Variants in PBX2 observed in about 807,000 individuals in gnomAD.
PBX2 encodes the protein PBX homeobox 2, also known as pre-B-cell leukemia transcription factor 2.
In PBX2, 10 loss-of-function variants were observed where a neutral mutation model predicts 46.5. The observed-to-expected ratio is 0.21, with a 90% confidence interval of 0.13 to 0.36. The LOEUF (loss-of-function observed/expected upper bound fraction) is 0.36, where lower values mean the gene tolerates loss of function less well. Among genes scored for constraint, PBX2 ranks in the 10% least tolerant of loss-of-function variants. The pLI, the probability that PBX2 is intolerant of heterozygous loss-of-function variation, is 1.00. For missense variants in PBX2, 392 were observed against 580.5 expected, an observed-to-expected ratio of 0.68 and a Z score of 3.34; for synonymous variants, 160 against 222.5, an observed-to-expected ratio of 0.72 and a Z score of 2.50.
Position 32,188,241 on chromosome 6 carries a change from A to G in PBX2, c.543+16T>C. 1 of 1,611,096 alleles carries G rather than the reference A, an allele frequency of 6.2e-7. No homozygotes were observed. Among genetic ancestry groups the G allele is most frequent in the South Asian group, 1.1e-5 (1 of 91,016 alleles). On this transcript the variant is annotated intron_variant, in intron 3 of 8. Transcript: ENST00000375050. This position sits in a 1 kb window ranked among gnomAD's most constrained non-coding sequence, Gnocchi z 6.5. Reference sequence around the variant, plus strand: ...AAGAGCCCTTCCCTCCACCCACCCAAGCCTCCTCTCCTTACCTGCTCATAC... The same window carrying G: ...AAGAGCCCTTCCCTCCACCCACCCAGGCCTCCTCTCCTTACCTGCTCATAC...
Position 32,188,442 on chromosome 6 carries a change from T to G in PBX2, c.358A>C (p.Asn120His). 6.2e-7 allele frequency: 1 copy of G among 1,614,118 alleles called. No homozygotes were observed. The highest frequency in any genetic ancestry group is 8.5e-7 in the Non-Finnish European group (1 of 1,180,008). The change falls in exon 3 of 9, where the codon AAC (asparagine) becomes CAC (histidine). Residue 120 changes from asparagine (N) to histidine (H), a missense_variant. By Grantham distance (68) the Asn-to-His change is moderately conservative. Coordinates refer to ENST00000375050, the MANE Select transcript of PBX2 (RefSeq NM_002586.5). This position sits in a 1 kb window ranked among gnomAD's most constrained non-coding sequence, Gnocchi z 6.5. ...GCCACACCCTCTGCCAGAAGCATGTTGTCCAAGCGCATCAGCTGTGGGTCC... is the reference window on the plus strand; with the variant it reads ...GCCACACCCTCTGCCAGAAGCATGTGGTCCAAGCGCATCAGCTGTGGGTCC... ...PVDPQLMRLD[N>H]MLLAEGVAGP...
rs1412719867 is a variant in PBX2 at position 32,188,495 on chromosome 6, A to ATGCTGAGGCCTAGCAT, written c.296-7_304dup (p.Ile102AsnfsTer57). ...CGGCTCCTCCTCCTGGGAGCTCCGA[A>ATGCTGAGGCCTAGCAT]TGCTGAGGCCTAGCATGCAGGCGAG... is the stretch of plus-strand genomic sequence containing the variant. On this transcript the variant is annotated frameshift_variant, in exon 3 of 9. Coordinates refer to ENST00000375050, the MANE Select transcript of PBX2 (RefSeq NM_002586.5). LOFTEE classifies it high-confidence loss of function. The surrounding 1 kb of genome is among the most constrained non-coding windows in gnomAD (Gnocchi z 6.5). 1 of 1,613,640 alleles carries ATGCTGAGGCCTAGCAT rather than the reference A, an allele frequency of 6.2e-7. No homozygotes were observed. The highest frequency in any genetic ancestry group is 1.3e-5 in the African/African-American group (1 of 74,860).
Position 32,187,800 on chromosome 6 carries a change from G to C in PBX2, c.735-18C>G. The C allele has an allele frequency of 6.2e-7, 1 of 1,611,468 alleles. No individual in the cohort carries two copies. The highest frequency in any genetic ancestry group is 1.3e-5 in the African/African-American group (1 of 75,036). ...GCTTTCGTCTACAGAGGAGGGAGAA[G>C]AGCAGTGAGGAGGATGTTGATGTCC... is the stretch of plus-strand genomic sequence containing the variant. On this transcript the variant is annotated intron_variant, in intron 4 of 8. Transcript: ENST00000375050. The surrounding 1 kb of genome is among the most constrained non-coding windows in gnomAD (Gnocchi z 7.7).
chr6:32,188,051 G>A lies in PBX2; in HGVS notation c.649C>T (p.Arg217Ter), dbSNP rs1787221539. The change falls in exon 4 of 9, where the codon CGA becomes TGA. Residue 217 changes from arginine to a stop codon, truncating the protein, a stop_gained. Coordinates refer to ENST00000375050, the MANE Select transcript of PBX2 (RefSeq NM_002586.5). LOFTEE classifies it high-confidence loss of function. The surrounding 1 kb of genome is among the most constrained non-coding windows in gnomAD (Gnocchi z 6.5). ...TGCATCTGGATGGCGCTGAACTTTC[G>A]ATGGATGATGCTCACCATGCGTTCC... ...EMERMVSIIH[R>*]KFSAIQMQLK... 6.3e-7 allele frequency: 1 copy of A among 1,595,610 alleles called. No homozygotes were observed. Among genetic ancestry groups the A allele is most frequent in the Non-Finnish European group, 8.5e-7 (1 of 1,169,898 alleles).
chr6:32,186,315 T>G lies in PBX2; in HGVS notation c.*67A>C. Reference sequence around the variant, plus strand: ...TTCTCCTGTATTGGGGTTTGTCCTCTGGAAGCCTGCGTCCTCTTCAAGTCG... The same window carrying G: ...TTCTCCTGTATTGGGGTTTGTCCTCGGGAAGCCTGCGTCCTCTTCAAGTCG... On this transcript the variant is annotated 3_prime_UTR_variant, in exon 9 of 9. Coordinates refer to ENST00000375050, the MANE Select transcript of PBX2 (RefSeq NM_002586.5). The surrounding 1 kb of genome is among the most constrained non-coding windows in gnomAD (Gnocchi z 4.2). The G allele has an allele frequency of 6.1e-6, 7 of 1,138,576 alleles. No individual in the cohort carries two copies. Among genetic ancestry groups the G allele is most frequent in the Non-Finnish European group, 9.2e-6 (7 of 761,570 alleles). The allele number at this position is 1,138,576 out of a possible 1,614,324, so 70.5% of individuals were successfully genotyped here. A position where few individuals can be genotyped will look rare whatever the true frequency, so the allele number is the denominator to read the frequency against.
chr6:32,186,837 G>C lies in PBX2; in HGVS notation c.1089C>G (p.Asn363Lys), dbSNP rs147090639. Residue 363 changes from asparagine to lysine, a missense_variant, in exon 7 of 9, where the codon AAC becomes AAG. By Grantham distance (94) the Asn-to-Lys change is moderately conservative (BLOSUM62 0). Coordinates refer to ENST00000375050, the MANE Select transcript of PBX2 (RefSeq NM_002586.5). The surrounding 1 kb of genome is among the most constrained non-coding windows in gnomAD (Gnocchi z 4.2). The stretch of plus-strand genomic sequence containing the variant: ...CCTGGGAAGCAGAATAGGAATCTCC[G>C]TTGAGCCCAGGCATCCCCAGAAACA... ...GDMFLGMPGL[N>K]GDSYSASQVE... is the part of the protein sequence containing the mutation. 83 of 1,614,122 alleles carry C rather than the reference G, an allele frequency of 5.1e-5. No individual in the cohort carries two copies. Among genetic ancestry groups the C allele is most frequent in the Non-Finnish European group, 6.9e-5 (82 of 1,180,006 alleles).
In PBX2 at chr6:32,188,786, G is replaced by C. The variant is rs1787264605; in HGVS notation, c.232C>G (p.Leu78Val). The change falls in exon 2 of 9, where the codon CTA (leucine) becomes GTA (valine). Residue 78 changes from leucine to valine, a missense_variant. By Grantham distance (32) the Leu-to-Val change is conservative (BLOSUM62 1). This residue lies in a region of PBX2 where 196 missense variants were observed against 246.9 expected (regional missense o/e 0.79). Transcript: ENST00000375050. This position sits in a 1 kb window ranked among gnomAD's most constrained non-coding sequence, Gnocchi z 6.5. ...GCAGGCTTCATTCGGTGGCAGTTTA[G>C]GGCGTGTTTCCTTGGGAGGAGTGGG... is the stretch of plus-strand genomic sequence containing the variant. ...LDEAQAKKHA[L>V]NCHRMKPALF... 2 of 1,612,878 alleles carry C rather than the reference G, an allele frequency of 1.2e-6. No individual in the cohort carries two copies. The highest frequency in any genetic ancestry group is 1.7e-6 in the Non-Finnish European group (2 of 1,180,024).
Position 32,187,178 on chromosome 6 carries a change from T to TAGGAAGTGGGAACAAAAGC in PBX2, c.1024+45_1024+63dup. 6.3e-7 allele frequency: 1 copy of TAGGAAGTGGGAACAAAAGC among 1,595,904 alleles called. No individual in the cohort carries two copies. Among genetic ancestry groups the TAGGAAGTGGGAACAAAAGC allele is most frequent in the Non-Finnish European group, 8.6e-7 (1 of 1,166,898 alleles). On this transcript the variant is annotated intron_variant, in intron 6 of 8. Coordinates refer to ENST00000375050, the MANE Select transcript of PBX2 (RefSeq NM_002586.5). The surrounding 1 kb of genome is among the most constrained non-coding windows in gnomAD (Gnocchi z 7.7). ...CCTCTCTGCTATGATCCTGCCTAGATAGGAAGTGGGAACAAAAGCAGGAAG... is the reference window on the plus strand; with the variant it reads ...CCTCTCTGCTATGATCCTGCCTAGATAGGAAGTGGGAACAAAAGCAGGAAGTGGGAACAAAAGCAGGAAG...
In PBX2 at chr6:32,189,847, C is replaced by T. The variant is rs1787336315; in HGVS notation, c.69G>A (p.Gly23=). The change falls in exon 1 of 9, where the codon GGG becomes GGA. Residue 23 remains glycine (G), a synonymous_variant. Transcript: ENST00000375050. This position sits in a 1 kb window ranked among gnomAD's most constrained non-coding sequence, Gnocchi z 4.7. ...GAGGCTCGCCAGGGCCCCCAGGCTC[C>T]CCACTCACCAATCCCAGGCCCCCCC... ...GGRGGLGLVS[G]EPGGPGEPPG... is the part of the protein sequence containing the mutation. 1.3e-6 allele frequency: 2 copies of T among 1,570,170 alleles called. No homozygotes were observed. Among genetic ancestry groups the T allele is most frequent in the South Asian group, 1.1e-5 (1 of 86,976 alleles).
chr6:32,188,229 T>C lies in PBX2; in HGVS notation c.543+28A>G. 2 of 1,609,278 alleles carry C rather than the reference T, an allele frequency of 1.2e-6. No individual in the cohort carries two copies. Among genetic ancestry groups the C allele is most frequent in the Non-Finnish European group, 1.7e-6 (2 of 1,176,518 alleles). ...GGATTCCCCTGCAAGAGCCCTTCCCTCCACCCACCCAAGCCTCCTCTCCTT... is the reference window on the plus strand; with the variant it reads ...GGATTCCCCTGCAAGAGCCCTTCCCCCCACCCACCCAAGCCTCCTCTCCTT... On this transcript the variant is annotated intron_variant, in intron 3 of 8. Transcript: ENST00000375050. This position sits in a 1 kb window ranked among gnomAD's most constrained non-coding sequence, Gnocchi z 6.5.
Position 32,187,935 on chromosome 6 carries a change from C to T in PBX2, c.734+31G>A. ...GAGAGGAATGGGAAGGAGCCCAGTG[C>T]TGGGGGCCAGCCTGGGGTCCCTGGG... On this transcript the variant is annotated intron_variant, in intron 4 of 8. Coordinates refer to ENST00000375050, the MANE Select transcript of PBX2 (RefSeq NM_002586.5). The surrounding 1 kb of genome is among the most constrained non-coding windows in gnomAD (Gnocchi z 7.7). The T allele has an allele frequency of 6.6e-7, 1 of 1,524,502 alleles. No homozygotes were observed. Among genetic ancestry groups the T allele is most frequent in the Non-Finnish European group, 8.8e-7 (1 of 1,131,428 alleles). The allele number at this position is 1,524,502 out of a possible 1,614,324, so 94.4% of individuals were successfully genotyped here.
At position 32,187,220 on chromosome 6, in the gene PBX2, C is replaced by T; in HGVS notation, c.1024+22G>A. On this transcript the variant is annotated intron_variant, in intron 6 of 8. Transcript: ENST00000375050. This position sits in a 1 kb window ranked among gnomAD's most constrained non-coding sequence, Gnocchi z 7.7. ...AGCAGGAAGTGTGCAAAACAGTCAG[C>T]CGGGGTGACAGTGGGATCCACCTGC... 2 of 1,612,062 alleles carry T rather than the reference C, an allele frequency of 1.2e-6. No individual in the cohort carries two copies. The highest frequency in any genetic ancestry group is 1.7e-6 in the Non-Finnish European group (2 of 1,179,880).
In PBX2 at chr6:32,186,142, C is replaced by T. The variant is rs576092069; in HGVS notation, c.*240G>A. ...GTATGTTTCTGTGTAAGAAAGAAAG[C>T]GAGAGAGGAAAAAGATGGAAAAAAG... On this transcript the variant is annotated 3_prime_UTR_variant, in exon 9 of 9. Transcript: ENST00000375050. This position sits in a 1 kb window ranked among gnomAD's most constrained non-coding sequence, Gnocchi z 4.2. 2.1e-5 allele frequency: 12 copies of T among 564,906 alleles called. No homozygotes were observed. Among genetic ancestry groups the T allele is most frequent in the South Asian group, 4.8e-5 (2 of 41,510 alleles). 35.0% of individuals were successfully genotyped at this position (564,906 alleles called of 1,614,324 possible).
In PBX2 at chr6:32,188,700, C is replaced by A; in HGVS notation, c.295+23G>T. The A allele has an allele frequency of 6.2e-7, 1 of 1,610,232 alleles. No individual in the cohort carries two copies. The highest frequency in any genetic ancestry group is 8.5e-7 in the Non-Finnish European group (1 of 1,177,668). ...ACAGGGTTCTGTTCCCAGAGTTGAGCAATCCGGGGGGGGCCCACATACCAG... is the reference window on the plus strand; with the variant it reads ...ACAGGGTTCTGTTCCCAGAGTTGAGAAATCCGGGGGGGGCCCACATACCAG... On this transcript the variant is annotated intron_variant, in intron 2 of 8. Coordinates refer to ENST00000375050, the MANE Select transcript of PBX2 (RefSeq NM_002586.5). This position sits in a 1 kb window ranked among gnomAD's most constrained non-coding sequence, Gnocchi z 6.5.
In PBX2 at chr6:32,189,159, AG is replaced by A. The variant is rs1159121584; in HGVS notation, c.222-364del. On this transcript the variant is annotated intron_variant, in intron 1 of 8. Transcript: ENST00000375050. This position sits in a 1 kb window ranked among gnomAD's most constrained non-coding sequence, Gnocchi z 4.7. ...TGGGGTTGAGAAGAGTCAGAGTTTG[AG>A]GTGGCAGAGTGGGGCTGGGGGTGCC... 1 of 382,288 alleles carries A rather than the reference AG, an allele frequency of 2.6e-6. No individual in the cohort carries two copies. Among genetic ancestry groups the A allele is most frequent in the Admixed American group, 3.8e-5 (1 of 26,396 alleles). 23.7% of individuals were successfully genotyped at this position (382,288 alleles called of 1,614,324 possible).
chr6:32,189,035 G>C lies in PBX2; in HGVS notation c.222-239C>G. 1 of 552,574 alleles carries C rather than the reference G, an allele frequency of 1.8e-6. No individual in the cohort carries two copies. Among genetic ancestry groups the C allele is most frequent in the Non-Finnish European group, 3.2e-6 (1 of 308,056 alleles). The allele number at this position is 552,574 out of a possible 1,614,324, so 34.2% of individuals were successfully genotyped here. ...TGCAGGCAGCAGGTTAAAGGCTGCG[G>C]GCTTTGGGAGATGGTCTAGAAAGGT... On this transcript the variant is annotated intron_variant, in intron 1 of 8. Transcript: ENST00000375050. The surrounding 1 kb of genome is among the most constrained non-coding windows in gnomAD (Gnocchi z 4.7).
Position 32,188,588 on chromosome 6 carries a change from G to A in PBX2, c.296-84C>T, listed in dbSNP as rs1787251580. ...CTCCTGGTGCTTCCTGGAGAGCCAA[G>A]TTCCCAGGCTTTGGTTCCTTCCCCA... On this transcript the variant is annotated intron_variant, in intron 2 of 8. Transcript: ENST00000375050. The surrounding 1 kb of genome is among the most constrained non-coding windows in gnomAD (Gnocchi z 6.5). The A allele has an allele frequency of 2.7e-5, 42 of 1,577,696 alleles. No homozygotes were observed. The East Asian group carries it at 9.4e-4, about 35-fold the overall frequency.
chr6:32,186,677 C>G lies in PBX2; in HGVS notation c.1127G>C (p.Arg376Pro). ...ATAGCCCCCTGGCCCCATCGAGTGT[C>G]GGAGTGATTCCACCTGCAGGCAGCA... Reference protein sequence around the residue: ...SYSASQVESLRHSMGPGGYGD... With the variant: ...SYSASQVESLPHSMGPGGYGD... Residue 376 changes from arginine (R) to proline (P), a missense_variant, in exon 8 of 9, where the codon CGA becomes CCA. Arg to Pro is a moderately radical substitution (Grantham distance 103). Transcript: ENST00000375050. This position sits in a 1 kb window ranked among gnomAD's most constrained non-coding sequence, Gnocchi z 4.2. 1 of 1,612,956 alleles carries G rather than the reference C, an allele frequency of 6.2e-7. No homozygotes were observed. The highest frequency in any genetic ancestry group is 8.5e-7 in the Non-Finnish European group (1 of 1,178,974).
Position 32,186,788 on chromosome 6 carries a change from A to G in PBX2, c.1113+25T>C, listed in dbSNP as rs537194537. 1.1e-5 allele frequency: 17 copies of G among 1,607,302 alleles called. No individual in the cohort carries two copies. Among genetic ancestry groups the G allele is most frequent in the African/African-American group, 4.0e-5 (3 of 74,794 alleles). On this transcript the variant is annotated intron_variant, in intron 7 of 8. Transcript: ENST00000375050. The surrounding 1 kb of genome is among the most constrained non-coding windows in gnomAD (Gnocchi z 4.2). ...AGGAAATGGAGTTGGGGAAAGCCCT[A>G]TTCGAGAGGAGATGGGCATCTGACC...
Sources: allele counts gnomAD v4.1 joint callset, GRCh38; gene constraint gnomAD v4.1.1; regional missense constraint gnomAD v4.1.1; non-coding constraint Gnocchi (gnomAD v3.1); transcripts MANE v1.5; gene names NCBI Gene and HGNC (gene_info 2026-07-23, HGNC 2026-07-21).